TRPC5: variants seen among roughly 807,000 people sequenced by gnomAD.
TRPC5 encodes the protein short transient receptor potential channel 5.
TRPC5 carries 9 observed loss-of-function variants against 56.5 expected under a neutral mutation model. The observed-to-expected ratio is 0.16, with a 90% CI of 0.10 to 0.28. The LOEUF (loss-of-function observed/expected upper bound fraction) is 0.28. Ranked by LOEUF, TRPC5 falls within the 10% of genes least tolerant of loss-of-function variation. TRPC5 has a pLI of 1.00. For synonymous variants in TRPC5, 282 were observed against 278.5 expected (o/e 1.01, Z -0.13); for missense variants, 469 against 748.9 (o/e 0.63, Z 4.36).
At chrX:112,071,266 C>A (rs1399464830) in intron 1 of TRPC5, among the ~76,000 whole-genome samples, 2 of 110,147 alleles carry the variant, frequency 1.8e-5, no homozygotes, top group Admixed American at 9.7e-5. Flanking sequence ...CATGATCACA[C>A]CACTGCACTC....
At chrX:111,829,705 G>A (rs996149341) in intron 7 of TRPC5, among the ~76,000 whole-genome samples, 4 of 112,927 alleles carry the variant, frequency 3.5e-5, no homozygotes, top group Non-Finnish European at 7.5e-5. Flanking sequence ...TGTTGGTCCT[G>A]TGGGTGGGCA....
Position 111,952,327 on chromosome X carries a change from C to G in TRPC5, c.94G>C (p.Glu32Gln), listed in dbSNP as rs1927112686. Residue 32 changes from glutamate to glutamine, a missense_variant, in exon 2 of 11, where the codon GAG becomes CAG. Coordinates refer to ENST00000262839, the MANE Select transcript of TRPC5 (RefSeq NM_012471.3). ...ACAGCATTGAGGAAGGCCTTCTCCTCTGCAGAGAGCTCTGTCTCAGCCCTC... is the reference window on the plus strand; with the variant it reads ...ACAGCATTGAGGAAGGCCTTCTCCTGTGCAGAGAGCTCTGTCTCAGCCCTC... ...IVRAETELSA[E>Q]EKAFLNAVEK... is the part of the protein sequence containing the mutation. The G allele has an allele frequency of 2.5e-6, 3 of 1,212,081 alleles. No homozygotes were observed. Among genetic ancestry groups the G allele is most frequent in the Non-Finnish European group, 3.3e-6 (3 of 895,618 alleles).
intron 3 of TRPC5, among the ~76,000 whole-genome samples, chrX:111,897,486 A>G (rs901646234): frequency 2.7e-5 from 3 of 111,285 alleles, no homozygotes; most frequent in Non-Finnish European, 5.7e-5. Context: ...AACCGTACCT[A>G]AACATGATCA....
chrX:111,847,282 C>A lies in TRPC5; in HGVS notation c.1532G>T (p.Gly511Val). Residue 511 changes from glycine (G) to valine (V), a missense_variant, in exon 6 of 11, where the codon GGA (glycine) becomes GTA (valine). This residue lies in a region of TRPC5 where 157 missense variants were observed against 360.0 expected (regional missense o/e 0.44). Transcript: ENST00000262839. ...SHLGPLQISL[G>V]RMLLDILKFL... ...TTTGAGGATATCAAGCAGCATGCGT[C>A]CCAAAGAGATCTGCAGAGGTCCTAA... 1 of 1,211,136 alleles carries A rather than the reference C, an allele frequency of 8.3e-7. No homozygotes were observed. Among genetic ancestry groups the A allele is most frequent in the Non-Finnish European group, 1.1e-6 (1 of 895,493 alleles).
intron 7 of TRPC5, among the ~76,000 whole-genome samples, chrX:111,805,772 A>T (rs1921487027): frequency 9.0e-6 from 1 of 110,880 alleles, no homozygotes; most frequent in Admixed American, 9.7e-5. Flanking sequence ...TCCCAGGCTC[A>T]AGTGATATTC....
At chrX:111,973,293 G>C (rs1927831900) in intron 1 of TRPC5, among the ~76,000 whole-genome samples, 1 of 111,841 alleles carries the variant, frequency 8.9e-6, no homozygotes, top group Admixed American at 9.5e-5. Context: ...ACTTAGCTAT[G>C]TACCATCCAT....
intron 1 of TRPC5, among the ~76,000 whole-genome samples, chrX:112,071,624 A>C (rs2147746607): frequency 8.9e-6 from 1 of 112,504 alleles, no homozygotes; most frequent in Non-Finnish European, 1.9e-5. Context: ...GACAATACAT[A>C]AATGTATCAG....
intron 7 of TRPC5, among the ~76,000 whole-genome samples, chrX:111,804,609 T>A (rs1389554585): frequency 9.0e-6 from 1 of 111,426 alleles, no homozygotes; most frequent in Non-Finnish European, 1.9e-5. Context: ...ATTCTTTTTG[T>A]AGCAATTGTG....
chrX:111,974,748 TCCCGG>T (rs1451196543), intron 1 of TRPC5, among the ~76,000 whole-genome samples: 1 of 110,483 alleles, frequency 9.1e-6, no homozygotes. Flanking sequence ...GTCTGGAAAA[TCCCGG>T]GAAAAGCTTG....
intron 1 of TRPC5, among the ~76,000 whole-genome samples, chrX:111,983,893 T>A (rs192708918): frequency 4.5e-5 from 5 of 111,742 alleles, no homozygotes; most frequent in Non-Finnish European, 9.4e-5. Context: ...GAAGACGGCG[T>A]AGCAGGAGAG....
chrX:111,891,545 A>T (rs1466750681), intron 3 of TRPC5, among the ~76,000 whole-genome samples: 10 of 110,406 alleles, frequency 9.1e-5, no homozygotes, highest in African/African-American at 3.3e-4. Context: ...TGTTTATTTT[A>T]TTTTTTTATT....
At chrX:111,936,337 T>G (rs1926574302) in intron 2 of TRPC5, among the ~76,000 whole-genome samples, 2 of 109,659 alleles carry the variant, frequency 1.8e-5, no homozygotes, top group African/African-American at 6.6e-5. Flanking sequence ...TATCAGTTCT[T>G]TTTTTTTTCT....
chrX:111,952,361 C>G lies in TRPC5; in HGVS notation c.60G>C (p.Leu20=), dbSNP rs1299616940. ...NYSPYRDRIP[L]QIVRAETELS... is the part of the protein sequence containing the mutation. Reference sequence around the variant, plus strand: ...GCTCTGTCTCAGCCCTCACAATTTGCAGGGGGATGCGGTCTCTGTACGGTG... The same window carrying G: ...GCTCTGTCTCAGCCCTCACAATTTGGAGGGGGATGCGGTCTCTGTACGGTG... Residue 20 remains leucine, a synonymous_variant, in exon 2 of 11, where the codon CTG becomes CTC. Transcript: ENST00000262839. 23 of 1,209,959 alleles carry G rather than the reference C, an allele frequency of 1.9e-5. No individual in the cohort carries two copies. Among genetic ancestry groups the G allele is most frequent in the Non-Finnish European group, 2.3e-5 (21 of 895,243 alleles).
intron 2 of TRPC5, among the ~76,000 whole-genome samples, chrX:111,940,344 C>G (rs750711623): frequency 1.3e-4 from 15 of 111,400 alleles, no homozygotes; most frequent in African/African-American, 4.9e-4. Flanking sequence ...ATAAACAAAA[C>G]CTAAGGCCAT....
intron 3 of TRPC5, among the ~76,000 whole-genome samples, chrX:111,858,683 AC>A (rs1212315427): frequency 9.0e-6 from 1 of 110,737 alleles, no homozygotes; most frequent in East Asian, 2.8e-4. Context: ...ATCTTAGTGT[AC>A]CTGAAGGGAA....
intron 1 of TRPC5, among the ~76,000 whole-genome samples, chrX:111,987,586 A>G (rs1928245633): frequency 9.0e-6 from 1 of 111,453 alleles, no homozygotes; most frequent in African/African-American, 3.3e-5. Context: ...CAGATCATGC[A>G]GTGTTTTTCT....
At chrX:111,822,232 T>C (rs3027743) in intron 7 of TRPC5, among the ~76,000 whole-genome samples, 28,624 of 110,596 alleles carry the variant, frequency 0.26, 8,136 homozygotes, top group African/African-American at 0.85. Context: ...CCTTATGGTA[T>C]CTCTCACTTG....
intron 7 of TRPC5, among the ~76,000 whole-genome samples, chrX:111,825,633 A>C (rs1922210834): frequency 8.9e-6 from 1 of 111,792 alleles, no homozygotes; most frequent in East Asian, 2.8e-4. Context: ...CAAGTTAAAA[A>C]GGGAATAGTG....
chrX:111,840,942 A>G (rs1922712081), intron 6 of TRPC5, among the ~76,000 whole-genome samples: 1 of 112,340 alleles, frequency 8.9e-6, no homozygotes, highest in Middle Eastern at 4.6e-3. Context: ...GAAGGAGTCT[A>G]TAAAAGATGA....
Sources: allele counts gnomAD v4.1 joint callset (sites outside exome capture counted in the v4.1 genomes callset), GRCh38; gene constraint gnomAD v4.1.1; regional missense constraint gnomAD v4.1.1; transcripts MANE v1.5; gene names NCBI Gene and HGNC (gene_info 2026-07-23, HGNC 2026-07-21).